CHKA: variants seen among roughly 807,000 people sequenced by gnomAD.
CHKA encodes the protein CHETK-alpha.
CHKA carries 34 observed loss-of-function variants against 60.1 expected under a neutral mutation model. The observed-to-expected ratio is 0.57, with a 90% CI of 0.43 to 0.75. The LOEUF (loss-of-function observed/expected upper bound fraction) is 0.75, where lower values mean the gene tolerates loss of function less well. Among genes scored for constraint, CHKA ranks in the 30% least tolerant of loss-of-function variants. CHKA has a pLI of 0.00. For missense variants in CHKA, 563 were observed against 561.3 expected (o/e 1.00, Z -0.03); for synonymous variants, 217 against 223.1 (o/e 0.97, Z 0.24).
At chr11:68,055,851 C>A (rs1855996339) in intron 11 of CHKA, among the ~76,000 whole-genome samples, 1 of 151,570 alleles carries the variant, frequency 6.6e-6, no homozygotes, top group South Asian at 2.1e-4. Context: ...TCGAGACCAG[C>A]CTGACCAACA....
At chr11:68,113,263 T>C (rs1208435254) in intron 1 of CHKA, among the ~76,000 whole-genome samples, 1 of 151,640 alleles carries the variant, frequency 6.6e-6, no homozygotes, top group African/African-American at 2.4e-5. Context: ...CTGAGCAATG[T>C]AGCAAGACCC....
At chr11:68,096,966 G>T in intron 2 of CHKA, 53 bp downstream of exon 2, 1 of 1,252,458 alleles carries the variant, frequency 8.0e-7, no homozygotes, top group Non-Finnish European at 1.2e-6. Context: ...TCAGCAAAGA[G>T]GATTTAAAAT....
intron 1 of CHKA, among the ~76,000 whole-genome samples, chr11:68,108,967 GACGAGTTTTACCTCCAGGAGCTCT>G (rs1334902956): frequency 1.3e-5 from 2 of 151,794 alleles, no homozygotes; most frequent in African/African-American, 4.8e-5. Context: ...CCCATTCTTT[GACGAGTTTTACCTCCAGGAGCTCT>G]ACGAGTTCCT....
At chr11:68,093,255 C>A (rs1857407151) in intron 2 of CHKA, among the ~76,000 whole-genome samples, 1 of 152,176 alleles carries the variant, frequency 6.6e-6, no homozygotes, top group Non-Finnish European at 1.5e-5. Context: ...CTGCCTTGGC[C>A]TCCCAAAGTG....
At chr11:68,066,870 C>A (rs1188482750) in intron 7 of CHKA, among the ~76,000 whole-genome samples, 1 of 152,224 alleles carries the variant, frequency 6.6e-6, no homozygotes, top group African/African-American at 2.4e-5. Flanking sequence ...TAGCCAAACA[C>A]CACCCTCAGC....
intron 2 of CHKA, among the ~76,000 whole-genome samples, chr11:68,090,860 C>T (rs1224803794): frequency 2.6e-5 from 4 of 152,208 alleles, no homozygotes; most frequent in African/African-American, 4.8e-5. Context: ...AATCTCTCCA[C>T]TCATGCACAG....
At chr11:68,075,134 T>A (rs904625327) in intron 3 of CHKA, among the ~76,000 whole-genome samples, 1 of 152,182 alleles carries the variant, frequency 6.6e-6, no homozygotes, top group African/African-American at 2.4e-5. Context: ...ATTGCTTCTA[T>A]TTATTTCGCA....
intron 11 of CHKA, among the ~76,000 whole-genome samples, chr11:68,058,064 C>T (rs1173760874): frequency 1.3e-5 from 2 of 152,002 alleles, no homozygotes; most frequent in South Asian, 2.1e-4. Flanking sequence ...CTAATTGTTT[C>T]GTATTTTTTG....
chr11:68,069,211 A>G (rs1856538668), intron 6 of CHKA, among the ~76,000 whole-genome samples: 1 of 152,054 alleles, frequency 6.6e-6, no homozygotes, highest in South Asian at 2.1e-4. Context: ...GCACCCCCTT[A>G]GACAGCCCTT....
At position 68,112,053 on chromosome 11, in the gene CHKA, C is replaced by CAAAAAAAA. The variant is rs754639082; in HGVS notation, c.350+8767_350+8774dup. Among the ~76,000 whole-genome samples the CAAAAAAAA allele has an allele frequency of 2.4e-4, 5 of 20,912 alleles. 1 individual carries two copies. Among genetic ancestry groups the CAAAAAAAA allele is most frequent in the Non-Finnish European group, 3.7e-4 (5 of 13,374 alleles). The allele number at this position is 20,912 out of a possible 152,430, so 13.7% of individuals were successfully genotyped here. ...GGGCAACAACAGCAAAACTCCGTCT[C>CAAAAAAAA]AAAAAAAAAAAAAAAAAAAAAAAAA... is the stretch of plus-strand genomic sequence containing the variant. On this transcript the variant is annotated intron_variant, in intron 1 of 11. Transcript: ENST00000265689.
intron 5 of CHKA, 82 bp from the exon 6 acceptor site, chr11:68,070,375 T>A: frequency 9.5e-7 from 1 of 1,053,742 alleles, no homozygotes; most frequent in Non-Finnish European, 1.5e-6. Flanking sequence ...GGGCTTTGGT[T>A]AAACATTCAA....
At chr11:68,057,050 CT>C (rs941114796) in intron 11 of CHKA, among the ~76,000 whole-genome samples, 4 of 152,162 alleles carry the variant, frequency 2.6e-5, no homozygotes, top group African/African-American at 9.7e-5. Flanking sequence ...GGGTCTGACT[CT>C]GTCCCCACGT....
At chr11:68,103,647 C>T (rs1857805510) in intron 1 of CHKA, among the ~76,000 whole-genome samples, 2 of 152,018 alleles carry the variant, frequency 1.3e-5, no homozygotes, top group African/African-American at 4.8e-5. Flanking sequence ...TGCAGTGGCT[C>T]ATGCGTGTAA....
intron 2 of CHKA, among the ~76,000 whole-genome samples, chr11:68,084,825 G>T (rs1437020693): frequency 1.3e-5 from 2 of 151,960 alleles, no homozygotes; most frequent in African/African-American, 2.4e-5. Flanking sequence ...TGGCTGTGAG[G>T]GGAAGATGAG....
chr11:68,079,690 A>G (rs79602927), intron 3 of CHKA, among the ~76,000 whole-genome samples: 1,999 of 152,296 alleles, frequency 0.013, 36 homozygotes, highest in African/African-American at 0.042. Context: ...ATAAAAGGTT[A>G]AAAATAAATT....
rs1396676111 is a variant in CHKA at position 68,053,972 on chromosome 11, G to A, written c.*16C>T. On this transcript the variant is annotated 3_prime_UTR_variant, in exon 12 of 12. Transcript: ENST00000265689. ...CATGCAGTCCAGTGATGAGGTGGAT[G>A]GAGTCCTCCCCACAGTCACACCCCA... 2 of 1,611,480 alleles carry A rather than the reference G, an allele frequency of 1.2e-6. No homozygotes were observed. The highest frequency in any genetic ancestry group is 8.5e-7 in the Non-Finnish European group (1 of 1,178,230).
chr11:68,104,206 G>C (rs1468076180), intron 1 of CHKA, among the ~76,000 whole-genome samples: 2 of 152,148 alleles, frequency 1.3e-5, no homozygotes, highest in Admixed American at 6.6e-5. Flanking sequence ...CTGGAGGACA[G>C]TACTTATATT....
At chr11:68,088,156 ACTCAGTTTC>A (rs1857245096) in intron 2 of CHKA, among the ~76,000 whole-genome samples, 1 of 150,710 alleles carries the variant, frequency 6.6e-6, no homozygotes, top group Non-Finnish European at 1.5e-5. Context: ...TGTTAGCTAG[ACTCAGTTTC>A]CTCAGTTTCT....
intron 11 of CHKA, chr11:68,061,703 A>C: frequency 1.8e-6 from 1 of 551,132 alleles, no homozygotes; most frequent in Non-Finnish European, 3.5e-6. Flanking sequence ...AGGGGAGGCA[A>C]GGTCAGCTGG....
Sources: allele counts gnomAD v4.1 joint callset (sites outside exome capture counted in the v4.1 genomes callset), GRCh38; gene constraint gnomAD v4.1.1; transcripts MANE v1.5; gene names NCBI Gene and HGNC (gene_info 2026-07-23, HGNC 2026-07-21).